The following SPTBN1 variants were observed in gnomAD, a reference collection of about 807,000 sequenced individuals.
SPTBN1 encodes the protein spectrin beta, non-erythrocytic 1.
SPTBN1 carries 32 observed loss-of-function variants against 266.4 expected under a neutral mutation model. The ratio of observed to expected loss-of-function variants is 0.12; its 90% CI spans 0.09 to 0.16. The LOEUF (loss-of-function observed/expected upper bound fraction) is 0.16. Among genes scored for constraint, SPTBN1 ranks in the 10% least tolerant of loss-of-function variants. SPTBN1 has a pLI of 1.00. For missense variants in SPTBN1, 2,296 were observed against 3,067.1 expected (o/e 0.75, Z 5.94); for synonymous variants, 1,336 against 1,162.2 (o/e 1.15, Z -3.04).
chr2:54,469,767 T>C (rs954150604), intron 1 of SPTBN1, among the ~76,000 whole-genome samples: 1 of 151,986 alleles, frequency 6.6e-6, no homozygotes, highest in Non-Finnish European at 1.5e-5. Context: ...AGGAGATGAG[T>C]TGTGGTCAGA....
At chr2:54,569,977 C>CG (rs1008018235) in intron 2 of SPTBN1, among the ~76,000 whole-genome samples, 43 of 149,132 alleles carry the variant, frequency 2.9e-4, no homozygotes, top group African/African-American at 7.3e-4. Context: ...CCATTCCCCC[C>CG]CCCCTTTAGA....
intron 2 of SPTBN1, among the ~76,000 whole-genome samples, chr2:54,589,542 T>G (rs1675528754): frequency 6.6e-6 from 1 of 152,234 alleles, no homozygotes; most frequent in African/African-American, 2.4e-5. Context: ...AATTGCATAT[T>G]TGCTTCACAT....
chr2:54,526,319 G>A, intron 1 of SPTBN1, 53 bp from the exon 2 acceptor site: 1 of 1,446,242 alleles, frequency 6.9e-7, no homozygotes, highest in Non-Finnish European at 9.3e-7. Flanking sequence ...TTGGTTCCGT[G>A]GGGACTGTAT....
intron 2 of SPTBN1, among the ~76,000 whole-genome samples, chr2:54,546,851 T>C (rs1672267590): frequency 6.6e-6 from 1 of 152,018 alleles, no homozygotes; most frequent in Admixed American, 6.6e-5. Flanking sequence ...TTCAGCATCA[T>C]AGGTGGGGAA....
intron 1 of SPTBN1, among the ~76,000 whole-genome samples, chr2:54,495,366 C>T (rs1475894359): frequency 6.6e-6 from 1 of 152,162 alleles, no homozygotes; most frequent in African/African-American, 2.4e-5. Context: ...ATGCCACCCC[C>T]TCAAATCTGT....
intron 2 of SPTBN1, chr2:54,557,947 C>G: frequency 2.1e-6 from 2 of 943,406 alleles, no homozygotes; most frequent in Non-Finnish European, 1.3e-6. Flanking sequence ...GGCAGTCGCG[C>G]GCGCCCAGGT....
intron 32 of SPTBN1, chr2:54,660,327 G>A: frequency 1.3e-5 from 17 of 1,272,344 alleles, no homozygotes; most frequent in Non-Finnish European, 1.7e-5. Context: ...AGATTTTACA[G>A]CGAAACCCTT....
chr2:54,499,275 TTCC>T (rs1220734112), intron 1 of SPTBN1, among the ~76,000 whole-genome samples: 7 of 152,266 alleles, frequency 4.6e-5, no homozygotes, highest in African/African-American at 1.7e-4. Context: ...CTAATGTTGC[TTCC>T]TCCATTTTTT....
intron 1 of SPTBN1, among the ~76,000 whole-genome samples, chr2:54,520,927 C>G (rs1451505174): frequency 6.6e-6 from 1 of 152,092 alleles, no homozygotes; most frequent in Non-Finnish European, 1.5e-5. Context: ...TTACATAGTC[C>G]TTTCTGGGTT....
At position 54,667,659 on chromosome 2, in the gene SPTBN1, A is replaced by G; in HGVS notation, c.6876+13A>G. 6.2e-7 allele frequency: 1 copy of G among 1,612,570 alleles called. No individual in the cohort carries two copies. On this transcript the variant is annotated intron_variant, in intron 35 of 35. Transcript: ENST00000356805. Reference sequence around the variant, plus strand: ...AGCCAAAGACGATGTAAGTTTCTAAATGTTATTTCTCTCCACTACTTAGGA... The same window carrying G: ...AGCCAAAGACGATGTAAGTTTCTAAGTGTTATTTCTCTCCACTACTTAGGA...
chr2:54,479,017 T>TAACA (rs1667979547), intron 1 of SPTBN1, among the ~76,000 whole-genome samples: 1 of 152,224 alleles, frequency 6.6e-6, no homozygotes, highest in African/African-American at 2.4e-5. Context: ...TTAATAAAAA[T>TAACA]AACAAACAAC....
chr2:54,606,516 C>T (rs1027155667), intron 3 of SPTBN1, among the ~76,000 whole-genome samples: 3 of 152,158 alleles, frequency 2.0e-5, no homozygotes, highest in African/African-American at 7.2e-5. Context: ...TGTCAGAAGC[C>T]CCTGCACCTT....
chr2:54,470,584 A>G (rs1191363416), intron 1 of SPTBN1, among the ~76,000 whole-genome samples: 6 of 152,254 alleles, frequency 3.9e-5, no homozygotes, highest in Non-Finnish European at 7.3e-5. Context: ...TTCAAAAAAC[A>G]TTCCATTTTG....
chr2:54,660,256 A>G, intron 32 of SPTBN1: 13 of 1,351,870 alleles, frequency 9.6e-6, no homozygotes, highest in Non-Finnish European at 1.2e-5. Flanking sequence ...ATGGATGCCC[A>G]CTTGCCTTAA....
At chr2:54,498,992 C>G (rs1182088034) in intron 1 of SPTBN1, among the ~76,000 whole-genome samples, 2 of 152,010 alleles carry the variant, frequency 1.3e-5, no homozygotes, top group Non-Finnish European at 1.5e-5. Context: ...TTTGCATTTG[C>G]TCCTAGTCAG....
intron 27 of SPTBN1, among the ~76,000 whole-genome samples, chr2:54,654,525 C>T (rs935759630): frequency 9.2e-5 from 14 of 152,094 alleles, no homozygotes; most frequent in African/African-American, 2.4e-4. Context: ...TTTTTTGAAG[C>T]AGTTGTATTT....
chr2:54,582,156 T>C (rs890913607), intron 2 of SPTBN1, among the ~76,000 whole-genome samples: 1 of 152,224 alleles, frequency 6.6e-6, no homozygotes, highest in Admixed American at 6.5e-5. Flanking sequence ...ATCACTTTGC[T>C]CAAATACATT....
chr2:54,467,269 T>C (rs1438224061), intron 1 of SPTBN1, among the ~76,000 whole-genome samples: 9 of 152,088 alleles, frequency 5.9e-5, no homozygotes. Flanking sequence ...CTTTTTTCTC[T>C]TTATCTTATT....
chr2:54,469,140 G>C (rs1195968164), intron 1 of SPTBN1, among the ~76,000 whole-genome samples: 1 of 152,218 alleles, frequency 6.6e-6, no homozygotes, highest in African/African-American at 2.4e-5. Context: ...TCAGATGGAT[G>C]GAGGTGACTT....
Sources: allele counts gnomAD v4.1 joint callset (sites outside exome capture counted in the v4.1 genomes callset), GRCh38; gene constraint gnomAD v4.1.1; transcripts MANE v1.5; gene names NCBI Gene and HGNC (gene_info 2026-07-23, HGNC 2026-07-21).